The following GABRP variants were observed in gnomAD, a reference collection of about 807,000 sequenced individuals.
The protein encoded by GABRP is gamma-aminobutyric acid type A receptor subunit pi.
GABRP carries 52 observed loss-of-function variants against 47.8 expected under a neutral mutation model. The ratio of observed to expected loss-of-function variants is 1.09; its 90% CI spans 0.87 to 1.37. The LOEUF is 1.37. Ranked by LOEUF, GABRP falls within the 40% of genes most tolerant of loss-of-function variation. GABRP has a pLI of 0.00. For missense variants in GABRP, 525 were observed against 542.8 expected (o/e 0.97, Z 0.33); for synonymous variants, 221 against 205.8 (o/e 1.07, Z -0.63).
chr5:170,801,305 A>G (rs1208574372), intron 6 of GABRP, among the ~76,000 whole-genome samples: 2 of 152,176 alleles, frequency 1.3e-5, no homozygotes, highest in African/African-American at 4.8e-5. Flanking sequence ...TGAGTATACC[A>G]TAAAGTGCTT....
At chr5:170,800,648 A>G (rs960902799) in intron 6 of GABRP, among the ~76,000 whole-genome samples, 3 of 152,138 alleles carry the variant, frequency 2.0e-5, no homozygotes, top group African/African-American at 7.2e-5. Flanking sequence ...AATAGTAATA[A>G]TAATAGTAAT....
rs1285745197 is a variant in GABRP at position 170,794,175 on chromosome 5, G to C, written c.173-56G>C. ...ATCTTTTTTAGAATGCACTAATATA[G>C]TATTAAGACAGCTCATGGTTGTGTT... On this transcript the variant is annotated intron_variant, in intron 3 of 9. Transcript: ENST00000265294. 5.0e-6 allele frequency: 6 copies of C among 1,199,568 alleles called. No individual in the cohort carries two copies. In the African/African-American group the frequency reaches 9.1e-5, roughly 18 times the overall value. 74.3% of individuals were successfully genotyped at this position (1,199,568 alleles called of 1,614,324 possible).
At chr5:170,794,082 ATTTTTC>A (rs1765353799) in intron 3 of GABRP, 143 bp from the exon 4 acceptor site, 1 of 425,962 alleles carries the variant, frequency 2.3e-6, no homozygotes, top group African/African-American at 2.0e-5. Flanking sequence ...GGATAAGAAA[ATTTTTC>A]TTTTTATATT....
chr5:170,798,744 C>G (rs1048596451), intron 6 of GABRP, among the ~76,000 whole-genome samples: 2 of 151,906 alleles, frequency 1.3e-5, no homozygotes, highest in Non-Finnish European at 2.9e-5. Flanking sequence ...ATTTTTAGGT[C>G]TAAAAAATCA....
intron 5 of GABRP, among the ~76,000 whole-genome samples, chr5:170,796,387 T>C (rs1341021957): frequency 2.0e-5 from 3 of 152,220 alleles, no homozygotes; most frequent in Admixed American, 6.5e-5. Context: ...TGTGAGTGTG[T>C]GCATGCATTT....
At chr5:170,797,323 A>G (rs1040296964) in intron 5 of GABRP, 143 bp from the exon 6 acceptor site, 6 of 641,048 alleles carry the variant, frequency 9.4e-6, no homozygotes, top group Non-Finnish European at 1.7e-5. Context: ...CCAGAGCCTC[A>G]AGGATGCTTT....
rs191191662 is a variant in GABRP, at chr5:170,789,982, C to T, written c.172+735C>T. Among the ~76,000 whole-genome samples the T allele has an allele frequency of 1.8e-3, 279 of 152,302 alleles. 1 individual carries two copies. Among genetic ancestry groups the T allele is most frequent in the African/African-American group, 6.6e-3 (274 of 41,558 alleles). On this transcript the variant is annotated intron_variant, in intron 3 of 9. Transcript: ENST00000265294. ...CTCCAGGCCCCATCCCCTTTCTTCA[C>T]ACTTCCTTGTGAACATGCCTCAAAA...
chr5:170,795,565 G>A, intron 5 of GABRP, 140 bp downstream of exon 5: 1 of 676,172 alleles, frequency 1.5e-6, no homozygotes, highest in Non-Finnish European at 2.6e-6. Flanking sequence ...CCCCATAATA[G>A]AAGGTCCCTC....
chr5:170,810,233 CTG>C (rs780387425), intron 9 of GABRP, among the ~76,000 whole-genome samples: 21 of 152,064 alleles, frequency 1.4e-4, no homozygotes, highest in Non-Finnish European at 2.9e-4. Flanking sequence ...TTGAGAAAAA[CTG>C]TCATTATTTG....
At chr5:170,793,878 G>T (rs1380652887) in intron 3 of GABRP, among the ~76,000 whole-genome samples, 1 of 152,100 alleles carries the variant, frequency 6.6e-6, no homozygotes, top group African/African-American at 2.4e-5. Flanking sequence ...TTTGTGGCGA[G>T]CCGAGATCGT....
intron 3 of GABRP, among the ~76,000 whole-genome samples, chr5:170,790,817 A>G (rs956217898): frequency 2.0e-5 from 3 of 152,158 alleles, no homozygotes; most frequent in Admixed American, 1.3e-4. Flanking sequence ...GCTGTGGCCC[A>G]TGAGAAGTGT....
intron 9 of GABRP, chr5:170,809,957 A>G (rs946711317): frequency 1.4e-6 from 1 of 701,496 alleles, no homozygotes; most frequent in Non-Finnish European, 2.6e-6. Context: ...AAATACAATG[A>G]GATATTAATA....
In GABRP at chr5:170,810,338, C is replaced by T. The variant is rs186217963; in HGVS notation, c.1020+583C>T. On this transcript the variant is annotated intron_variant, in intron 9 of 9. Coordinates refer to ENST00000265294, the MANE Select transcript of GABRP (RefSeq NM_014211.3). ...TACATGTGCCAGACACAGTAACAAG[C>T]CTTTTGCAAATACTATATTATTTTA... 2.2e-3 allele frequency among the ~76,000 whole-genome samples: 338 copies of T among 152,128 alleles called. 1 individual carries two copies. Among genetic ancestry groups the T allele is most frequent in the African/African-American group, 7.7e-3 (320 of 41,506 alleles).
At chr5:170,794,605 T>G (rs1391206557) in intron 4 of GABRP, among the ~76,000 whole-genome samples, 2 of 151,996 alleles carry the variant, frequency 1.3e-5, no homozygotes, top group African/African-American at 4.8e-5. Flanking sequence ...CACTTGGTGA[T>G]GGATAAAATT....
Position 170,812,585 on chromosome 5 carries a change from T to C in GABRP, c.*327T>C, listed in dbSNP as rs1456417597. 1 of 234,076 alleles carries C rather than the reference T, an allele frequency of 4.3e-6. No individual in the cohort carries two copies. The highest frequency in any genetic ancestry group is 8.4e-6 in the Non-Finnish European group (1 of 118,692). The allele number at this position is 234,076 out of a possible 1,614,324, so 14.5% of individuals were successfully genotyped here. On this transcript the variant is annotated 3_prime_UTR_variant, in exon 10 of 10. Transcript: ENST00000265294. ...GTTTGCATTTACCTCATATAAAGAA[T>C]GGGAAGGAGACCATTGGGTAACCCT...
rs1193586377 is a variant in GABRP, at chr5:170,788,580, C to T, written c.-36C>T. 3 of 1,612,166 alleles carry T rather than the reference C, an allele frequency of 1.9e-6. No homozygotes were observed. Among genetic ancestry groups the T allele is most frequent in the Non-Finnish European group, 1.7e-6 (2 of 1,178,416 alleles). Reference sequence around the variant, plus strand: ...CTTGCCCCCTGTTTCCCAGGTGATTCCTACTTCAGCCCCTTGGTGTGAGCA... The same window carrying T: ...CTTGCCCCCTGTTTCCCAGGTGATTTCTACTTCAGCCCCTTGGTGTGAGCA... On this transcript the variant is annotated 5_prime_UTR_variant, in exon 2 of 10. Coordinates refer to ENST00000265294, the MANE Select transcript of GABRP (RefSeq NM_014211.3).
intron 9 of GABRP, among the ~76,000 whole-genome samples, chr5:170,810,444 G>A (rs527663974): frequency 4.6e-5 from 7 of 152,130 alleles, no homozygotes; most frequent in East Asian, 3.9e-4. Flanking sequence ...GAGACTTACC[G>A]CAGGGGATAT....
chr5:170,805,627 T>C (rs1765711788), intron 6 of GABRP, 89 bp from the exon 7 acceptor site: 4 of 1,409,932 alleles, frequency 2.8e-6, no homozygotes, highest in South Asian at 1.3e-5. Context: ...AAAGAACTCA[T>C]GCTGTCTCCA....
chr5:170,811,897 C>A, intron 9 of GABRP, 59 bp from the exon 10 acceptor site: 1 of 1,466,666 alleles, frequency 6.8e-7, no homozygotes, highest in South Asian at 1.2e-5. Flanking sequence ...AGCTCATTAC[C>A]TACTTATTTA....
Sources: allele counts gnomAD v4.1 joint callset (sites outside exome capture counted in the v4.1 genomes callset), GRCh38; gene constraint gnomAD v4.1.1; transcripts MANE v1.5; gene names NCBI Gene and HGNC (gene_info 2026-07-23, HGNC 2026-07-21).